Variants in SPIDR observed in about 807,000 individuals in gnomAD.
The protein encoded by SPIDR is DNA repair-scaffolding protein.
In SPIDR, 93 loss-of-function variants were observed where a neutral mutation model predicts 104.6. The ratio of observed to expected loss-of-function variants is 0.89; its 90% CI spans 0.75 to 1.06. The LOEUF (loss-of-function observed/expected upper bound fraction) is 1.06. Ranked by LOEUF, SPIDR falls within the 50% of genes least tolerant of loss-of-function variation. The pLI is 0.00. For synonymous variants in SPIDR, 431 were observed against 416.9 expected, an observed-to-expected ratio of 1.03 and a Z score of -0.41; for missense variants, 1,154 against 1,111.2, an observed-to-expected ratio of 1.04 and a Z score of -0.55.
At chr8:47,591,156 G>T (rs2060961188) in intron 8 of SPIDR, among the ~76,000 whole-genome samples, 1 of 149,726 alleles carries the variant, frequency 6.7e-6, no homozygotes, top group African/African-American at 2.4e-5. Flanking sequence ...TGATACATTA[G>T]GGCTTAAGTG....
At chr8:47,730,012 C>T (rs1295196981) in intron 19 of SPIDR, among the ~76,000 whole-genome samples, 1 of 151,972 alleles carries the variant, frequency 6.6e-6, no homozygotes, top group East Asian at 1.9e-4. Flanking sequence ...AGCCGCTGCA[C>T]CCAGCCTGCC....
chr8:47,418,758 T>TCA (rs1713421183), intron 7 of SPIDR, among the ~76,000 whole-genome samples: 1 of 152,206 alleles, frequency 6.6e-6, no homozygotes, highest in South Asian at 2.1e-4. Flanking sequence ...TGTGGGTTTG[T>TCA]CATAGATAGG....
chr8:47,518,004 T>C (rs918187733), intron 8 of SPIDR, among the ~76,000 whole-genome samples: 1 of 152,236 alleles, frequency 6.6e-6, no homozygotes, highest in African/African-American at 2.4e-5. Context: ...TTCTAATCTC[T>C]TTCGTTAAGC....
intron 16 of SPIDR, among the ~76,000 whole-genome samples, chr8:47,714,317 G>A (rs1054424411): frequency 2.6e-5 from 4 of 152,140 alleles, no homozygotes; most frequent in African/African-American, 9.7e-5. Flanking sequence ...GACAACCTCC[G>A]AGCTCCTGGC....
At chr8:47,327,673 C>T (rs1230600110) in intron 5 of SPIDR, among the ~76,000 whole-genome samples, 1 of 152,090 alleles carries the variant, frequency 6.6e-6, no homozygotes, top group Non-Finnish European at 1.5e-5. Flanking sequence ...AGTGATTCTC[C>T]TGTCTCAGCC....
At chr8:47,664,318 C>G (rs1472726200) in intron 10 of SPIDR, among the ~76,000 whole-genome samples, 2 of 152,152 alleles carry the variant, frequency 1.3e-5, no homozygotes, top group Non-Finnish European at 2.9e-5. Flanking sequence ...AGGTGGGAAG[C>G]AGGCAATAGA....
In SPIDR at chr8:47,576,438, A is replaced by C. The variant is rs1382692790; in HGVS notation, c.1098-19373A>C. Among the ~76,000 whole-genome samples, 3 of 152,002 alleles carry C rather than the reference A, an allele frequency of 2.0e-5. 1 individual carries two copies. Among genetic ancestry groups the C allele is most frequent in the Non-Finnish European group, 4.4e-5 (3 of 67,978 alleles). On this transcript the variant is annotated intron_variant, in intron 8 of 19. Transcript: ENST00000297423. Reference sequence around the variant, plus strand: ...AGTGCTGGGATTACAGGCATGAGCCACTGGACCCAGCCTGAGACAGGGTCT... The same window carrying C: ...AGTGCTGGGATTACAGGCATGAGCCCCTGGACCCAGCCTGAGACAGGGTCT...
intron 5 of SPIDR, among the ~76,000 whole-genome samples, chr8:47,341,173 G>A (rs1426464621): frequency 6.6e-6 from 1 of 152,190 alleles, no homozygotes; most frequent in Non-Finnish European, 1.5e-5. Flanking sequence ...GAATTGAATT[G>A]CAGTACACTC....
At chr8:47,484,489 C>A (rs2077272016) in intron 8 of SPIDR, among the ~76,000 whole-genome samples, 2 of 152,194 alleles carry the variant, frequency 1.3e-5, no homozygotes, top group Non-Finnish European at 2.9e-5. Flanking sequence ...AATCCATCCT[C>A]CAGAGCAGAA....
At chr8:47,278,619 T>C (rs1321984107) in intron 1 of SPIDR, among the ~76,000 whole-genome samples, 2 of 151,852 alleles carry the variant, frequency 1.3e-5, no homozygotes, top group African/African-American at 4.8e-5. Flanking sequence ...CCTCATCTCT[T>C]TTTTTTTGAG....
intron 7 of SPIDR, among the ~76,000 whole-genome samples, chr8:47,429,692 G>A (rs891538579): frequency 1.3e-4 from 20 of 152,074 alleles, no homozygotes; most frequent in African/African-American, 4.8e-4. Flanking sequence ...GAAGACCTAT[G>A]TGGGTTACTT....
In SPIDR at chr8:47,595,828, C is replaced by G; in HGVS notation, c.1115C>G (p.Pro372Arg). 6.2e-7 allele frequency: 1 copy of G among 1,614,006 alleles called. No individual in the cohort carries two copies. The highest frequency in any genetic ancestry group is 8.5e-7 in the Non-Finnish European group (1 of 1,179,978). ...IFPPWQKLII[P>R]SGSCPVILNT... ...TTTTCCAGGCAAAAACTGATTATTC[C>G]AAGTGGAAGTTGCCCTGTTATTCTG... is the stretch of plus-strand genomic sequence containing the variant. Residue 372 changes from proline (P) to arginine (R), a missense_variant, in exon 9 of 20, where the codon CCA becomes CGA. Coordinates refer to ENST00000297423, the MANE Select transcript of SPIDR (RefSeq NM_001080394.4).
At chr8:47,319,225 G>A (rs1299735435) in intron 5 of SPIDR, among the ~76,000 whole-genome samples, 2 of 152,134 alleles carry the variant, frequency 1.3e-5, no homozygotes. Flanking sequence ...GACACACACA[G>A]GCTCAAAATA....
At chr8:47,473,287 A>G (rs1217588512) in intron 8 of SPIDR, among the ~76,000 whole-genome samples, 1 of 152,240 alleles carries the variant, frequency 6.6e-6, no homozygotes, top group African/African-American at 2.4e-5. Flanking sequence ...GCTAGAATGA[A>G]GAAGGTTTTC....
rs1006211596 is a variant in SPIDR at position 47,488,576 on chromosome 8, G to C, written c.1097+48034G>C. Reference sequence around the variant, plus strand: ...AAGACAATTTTAGACCAATATCCCTGATGAACATTGATTCAAAAATCCTCA... The same window carrying C: ...AAGACAATTTTAGACCAATATCCCTCATGAACATTGATTCAAAAATCCTCA... On this transcript the variant is annotated intron_variant, in intron 8 of 19. Transcript: ENST00000297423. Among the ~76,000 whole-genome samples the C allele has an allele frequency of 1.3e-4, 20 of 152,148 alleles. 1 individual carries two copies. The highest frequency in any genetic ancestry group is 1.3e-3 in the Admixed American group (20 of 15,284).
intron 1 of SPIDR, among the ~76,000 whole-genome samples, chr8:47,261,437 T>A (rs1028314624): frequency 1.3e-5 from 2 of 152,234 alleles, no homozygotes; most frequent in African/African-American, 4.8e-5. Context: ...TGCGGCTGAC[T>A]GCCCAATCCG....
At chr8:47,347,786 G>A (rs574992067) in intron 5 of SPIDR, among the ~76,000 whole-genome samples, 90 of 151,568 alleles carry the variant, frequency 5.9e-4, no homozygotes, top group African/African-American at 2.0e-3. Context: ...TTTTTTGTTT[G>A]TTTTCCGTTT....
intron 11 of SPIDR, among the ~76,000 whole-genome samples, chr8:47,678,845 G>A (rs554950634): frequency 3.3e-5 from 5 of 152,068 alleles, no homozygotes; most frequent in Non-Finnish European, 5.9e-5. Flanking sequence ...TGATTTTTAC[G>A]GCAGCAGATT....
intron 7 of SPIDR, among the ~76,000 whole-genome samples, chr8:47,422,566 C>T (rs782581543): frequency 6.6e-5 from 10 of 152,248 alleles, no homozygotes; most frequent in Non-Finnish European, 1.2e-4. Flanking sequence ...CCGGGTGAGG[C>T]GATGTCTCGC....
Sources: gnomAD v4.1 joint callset for allele counts (sites outside exome capture counted in the v4.1 genomes callset) on GRCh38, gnomAD v4.1.1 for gene constraint, MANE v1.5 for transcripts, NCBI Gene and HGNC (gene_info 2026-07-23, HGNC 2026-07-21) for gene names.